Variants in KRTAP3-1 observed in about 807,000 individuals in gnomAD.
KRTAP3-1 encodes the protein keratin associated protein 3-1.
A neutral mutation model predicts 2.8 loss-of-function variants in KRTAP3-1; 3 were observed. That is an observed-to-expected ratio of 1.07 (90% CI 0.49 to 2.78). The LOEUF is 2.78. Among genes scored for constraint, KRTAP3-1 ranks in the 30% most tolerant of loss-of-function variants. KRTAP3-1 has a pLI of 0.04. For missense variants in KRTAP3-1, 130 were observed against 127.6 expected (o/e 1.02, Z -0.09); for synonymous variants, 47 against 49.1 (o/e 0.96, Z 0.18).
Position 41,008,900 on chromosome 17 carries a change from C to CAGG in KRTAP3-1, c.172_174dup (p.Pro58dup). 1.9e-6 allele frequency: 3 copies of CAGG among 1,614,202 alleles called. No homozygotes were observed. The highest frequency in any genetic ancestry group is 2.5e-6 in the Non-Finnish European group (3 of 1,180,046). On this transcript the variant is annotated inframe_insertion, in exon 1 of 1. Coordinates refer to ENST00000391588, the MANE Select transcript of KRTAP3-1 (RefSeq NM_031958.2). Reference sequence around the variant, plus strand: ...AGCCAGCAAGTTGGCACATAGGTATCAGGCTTGCAGCAGGGTGGGGGGCAG... The same window carrying CAGG: ...AGCCAGCAAGTTGGCACATAGGTATCAGGAGGCTTGCAGCAGGGTGGGGGGCAG...
At position 41,009,004 on chromosome 17, in the gene KRTAP3-1, T is replaced by G; in HGVS notation, c.71A>C (p.Lys24Thr). ...TAGGCAGACTCCACAGCGGCAGCTT[T>G]TATCAAATGAGCAGAAGGTGGTGGC... is the stretch of plus-strand genomic sequence containing the variant. ...GPATTFCSFD[K>T]SCRCGVCLPS... Residue 24 changes from lysine (K) to threonine (T), a missense_variant, in exon 1 of 1, where the codon AAA becomes ACA. Transcript: ENST00000391588. 1 of 1,614,168 alleles carries G rather than the reference T, an allele frequency of 6.2e-7. No homozygotes were observed. The highest frequency in any genetic ancestry group is 1.6e-4 in the Middle Eastern group (1 of 6,062).
Position 41,008,662 on chromosome 17 carries a change from G to T in KRTAP3-1, c.*116C>A. 2 of 956,346 alleles carry T rather than the reference G, an allele frequency of 2.1e-6. No individual in the cohort carries two copies. Among genetic ancestry groups the T allele is most frequent in the Non-Finnish European group, 3.1e-6 (2 of 654,726 alleles). The allele number at this position is 956,346 out of a possible 1,614,324, so 59.2% of individuals were successfully genotyped here. On this transcript the variant is annotated 3_prime_UTR_variant, in exon 1 of 1. Coordinates refer to ENST00000391588, the MANE Select transcript of KRTAP3-1 (RefSeq NM_031958.2). ...TAATTAAGAAGATTCATCAAGACTTGGCCCCGGGGATTGGGATGGCCTTAG... is the reference window on the plus strand; with the variant it reads ...TAATTAAGAAGATTCATCAAGACTTTGCCCCGGGGATTGGGATGGCCTTAG...
At position 41,008,666 on chromosome 17, in the gene KRTAP3-1, C is replaced by A; in HGVS notation, c.*112G>T. ...TAAGAAGATTCATCAAGACTTGGCC[C>A]CGGGGATTGGGATGGCCTTAGCCTT... On this transcript the variant is annotated 3_prime_UTR_variant, in exon 1 of 1. Transcript: ENST00000391588. The A allele has an allele frequency of 9.7e-7, 1 of 1,028,112 alleles. No homozygotes were observed. Among genetic ancestry groups the A allele is most frequent in the East Asian group, 2.6e-5 (1 of 38,194 alleles). 63.7% of individuals were successfully genotyped at this position (1,028,112 alleles called of 1,614,324 possible). A position where few individuals can be genotyped will look rare whatever the true frequency, so the allele number is the denominator to read the frequency against.
In KRTAP3-1 at chr17:41,008,667, C is replaced by T. The variant is rs111531901; in HGVS notation, c.*111G>A. The T allele has an allele frequency of 0.087, 90,902 of 1,040,854 alleles. 4,444 individuals carry two copies. The highest frequency in any genetic ancestry group is 0.22 in the Middle Eastern group (715 of 3,226). The allele number at this position is 1,040,854 out of a possible 1,614,324, so 64.5% of individuals were successfully genotyped here. The stretch of plus-strand genomic sequence containing the variant: ...AAGAAGATTCATCAAGACTTGGCCC[C>T]GGGGATTGGGATGGCCTTAGCCTTG... On this transcript the variant is annotated 3_prime_UTR_variant, in exon 1 of 1. Coordinates refer to ENST00000391588, the MANE Select transcript of KRTAP3-1 (RefSeq NM_031958.2).
chr17:41,008,592 C>A lies in KRTAP3-1; in HGVS notation c.*186G>T. 2 of 546,466 alleles carry A rather than the reference C, an allele frequency of 3.7e-6. No individual in the cohort carries two copies. The highest frequency in any genetic ancestry group is 3.2e-5 in the South Asian group (1 of 31,110). 33.9% of individuals were successfully genotyped at this position (546,466 alleles called of 1,614,324 possible). A position where few individuals can be genotyped will look rare whatever the true frequency, so the allele number is the denominator to read the frequency against. On this transcript the variant is annotated 3_prime_UTR_variant, in exon 1 of 1. Transcript: ENST00000391588. ...ATTTCTCAAAGAGTGATGAAATAGC[C>A]TAAAAGACAGAAGGGAGGTCTCCAA...
chr17:41,009,079 A>G lies in KRTAP3-1; in HGVS notation c.-5T>C. The G allele has an allele frequency of 6.2e-7, 1 of 1,611,524 alleles. No homozygotes were observed. The highest frequency in any genetic ancestry group is 8.5e-7 in the Non-Finnish European group (1 of 1,178,576). On this transcript the variant is annotated 5_prime_UTR_variant, in exon 1 of 1. Coordinates refer to ENST00000391588, the MANE Select transcript of KRTAP3-1 (RefSeq NM_031958.2). ...GCGGAGAGCACAGCAATACATGGCA[A>G]TGGGAGGTGGGTTTTTGTTGAGTTG...
chr17:41,009,085 G>A lies in KRTAP3-1; in HGVS notation c.-11C>T, dbSNP rs1451534665. The A allele has an allele frequency of 3.1e-6, 5 of 1,609,966 alleles. No individual in the cohort carries two copies. The highest frequency in any genetic ancestry group is 4.2e-6 in the Non-Finnish European group (5 of 1,177,690). On this transcript the variant is annotated 5_prime_UTR_variant, in exon 1 of 1. Coordinates refer to ENST00000391588, the MANE Select transcript of KRTAP3-1 (RefSeq NM_031958.2). ...AGCACAGCAATACATGGCAATGGGA[G>A]GTGGGTTTTTGTTGAGTTGAGAGAA...
At position 41,008,698 on chromosome 17, in the gene KRTAP3-1, G is replaced by A. The variant is rs561124203; in HGVS notation, c.*80C>T. On this transcript the variant is annotated 3_prime_UTR_variant, in exon 1 of 1. Coordinates refer to ENST00000391588, the MANE Select transcript of KRTAP3-1 (RefSeq NM_031958.2). ...TTGGGATGGCCTTAGCCTTGATGTAGGCAGTAGTGAGTGCTGAAGCCCAGA... is the reference window on the plus strand; with the variant it reads ...TTGGGATGGCCTTAGCCTTGATGTAAGCAGTAGTGAGTGCTGAAGCCCAGA... The A allele has an allele frequency of 9.6e-6, 13 of 1,354,500 alleles. No individual in the cohort carries two copies. The highest frequency in any genetic ancestry group is 4.3e-5 in the African/African-American group (3 of 69,412). The allele number at this position is 1,354,500 out of a possible 1,614,324, so 83.9% of individuals were successfully genotyped here. A position where few individuals can be genotyped will look rare whatever the true frequency, so the allele number is the denominator to read the frequency against.
Position 41,008,696 on chromosome 17 carries a change from T to C in KRTAP3-1, c.*82A>G. ...GATTGGGATGGCCTTAGCCTTGATG[T>C]AGGCAGTAGTGAGTGCTGAAGCCCA... On this transcript the variant is annotated 3_prime_UTR_variant, in exon 1 of 1. Coordinates refer to ENST00000391588, the MANE Select transcript of KRTAP3-1 (RefSeq NM_031958.2). 7.5e-7 allele frequency: 1 copy of C among 1,327,676 alleles called. No homozygotes were observed. The allele number at this position is 1,327,676 out of a possible 1,614,324, so 82.2% of individuals were successfully genotyped here. A position where few individuals can be genotyped will look rare whatever the true frequency, so the allele number is the denominator to read the frequency against.
Position 41,008,997 on chromosome 17 carries a change from G to A in KRTAP3-1, c.78C>T (p.Cys26=), listed in dbSNP as rs1180706446. ...TGCTGGGTAGGCAGACTCCACAGCG[G>A]CAGCTTTTATCAAATGAGCAGAAGG... ...ATTFCSFDKS[C]RCGVCLPSTC... The change falls in exon 1 of 1, where the codon TGC becomes TGT. Residue 26 remains cysteine (C), a synonymous_variant. Coordinates refer to ENST00000391588, the MANE Select transcript of KRTAP3-1 (RefSeq NM_031958.2). 9 of 1,614,252 alleles carry A rather than the reference G, an allele frequency of 5.6e-6. No homozygotes were observed. The highest frequency in any genetic ancestry group is 7.6e-6 in the Non-Finnish European group (9 of 1,180,050).
Position 41,008,877 on chromosome 17 carries a change from C to G in KRTAP3-1, c.198G>C (p.Trp66Cys), listed in dbSNP as rs1318982119. 6.2e-7 allele frequency: 1 copy of G among 1,614,018 alleles called. No individual in the cohort carries two copies. ...GAGTCGGGTGACAGTTGTTGAGCAG[C>G]CAGCAAGTTGGCACATAGGTATCAG... ...CKPDTYVPTC[W>C]LLNNCHPTPG... Residue 66 changes from tryptophan to cysteine, a missense_variant, in exon 1 of 1, where the codon TGG (tryptophan) becomes TGC (cysteine). By Grantham distance (215) the Trp-to-Cys change is radical (BLOSUM62 -2). Transcript: ENST00000391588.
chr17:41,008,963 GT>G lies in KRTAP3-1; in HGVS notation c.111del (p.His38MetfsTer40). 6.2e-7 allele frequency: 1 copy of G among 1,614,258 alleles called. No homozygotes were observed. The highest frequency in any genetic ancestry group is 8.5e-7 in the Non-Finnish European group (1 of 1,180,052). ...ATGGGCTGAAGGAGGCTGATCTCAT[GT>G]GGGCAGGTGCTGGGTAGGCAGACTC... ...RCGVCLPSTC[P>X]HEISLLQPIC... On this transcript the variant is annotated frameshift_variant, in exon 1 of 1. Transcript: ENST00000391588. LOFTEE classifies it high-confidence loss of function.
Position 41,008,902 on chromosome 17 carries a change from G to A in KRTAP3-1, c.173C>T (p.Pro58Leu), listed in dbSNP as rs755789157. 2 of 1,614,122 alleles carry A rather than the reference G, an allele frequency of 1.2e-6. No homozygotes were observed. The highest frequency in any genetic ancestry group is 1.7e-5 in the Admixed American group (1 of 60,010). The change falls in exon 1 of 1, where the codon CCT becomes CTT. Residue 58 changes from proline (P) to leucine (L), a missense_variant. By Grantham distance (98) the Pro-to-Leu change is moderately conservative (BLOSUM62 -3). Coordinates refer to ENST00000391588, the MANE Select transcript of KRTAP3-1 (RefSeq NM_031958.2). ...CCAGCAAGTTGGCACATAGGTATCA[G>A]GCTTGCAGCAGGGTGGGGGGCAGGT... ...CDTCPPPCCK[P>L]DTYVPTCWLL...
In KRTAP3-1 at chr17:41,009,115, G is replaced by A; in HGVS notation, c.-41C>T. The stretch of plus-strand genomic sequence containing the variant: ...GTTTTTGTTGAGTTGAGAGAAGTCT[G>A]TTGGTGTCTCGATGCTCCTCTCTTC... On this transcript the variant is annotated 5_prime_UTR_variant, in exon 1 of 1. Transcript: ENST00000391588. 1 of 1,549,692 alleles carries A rather than the reference G, an allele frequency of 6.5e-7. No homozygotes were observed.
rs751471457 is a variant in KRTAP3-1 at position 41,009,103 on chromosome 17, T to C, written c.-29A>G. 12 of 1,597,420 alleles carry C rather than the reference T, an allele frequency of 7.5e-6. No individual in the cohort carries two copies. The African/African-American group carries it at 1.2e-4, about 16-fold the overall frequency. ...AATGGGAGGTGGGTTTTTGTTGAGT[T>C]GAGAGAAGTCTGTTGGTGTCTCGAT... On this transcript the variant is annotated 5_prime_UTR_variant, in exon 1 of 1. Transcript: ENST00000391588.
At position 41,009,060 on chromosome 17, in the gene KRTAP3-1, A is replaced by G; in HGVS notation, c.15T>C (p.Ala5=). Residue 5 remains alanine, a synonymous_variant, in exon 1 of 1, where the codon GCT becomes GCC. Coordinates refer to ENST00000391588, the MANE Select transcript of KRTAP3-1 (RefSeq NM_031958.2). ...CGGTGGGGACGCTGCAGGAGCGGAG[A>G]GCACAGCAATACATGGCAATGGGAG... MYCC[A]LRSCSVPTGP... 1.9e-6 allele frequency: 3 copies of G among 1,613,820 alleles called. No individual in the cohort carries two copies. Among genetic ancestry groups the G allele is most frequent in the Non-Finnish European group, 2.5e-6 (3 of 1,179,872 alleles).
chr17:41,008,964 T>G lies in KRTAP3-1; in HGVS notation c.111A>C (p.Pro37=). The change falls in exon 1 of 1, where the codon CCA becomes CCC. Residue 37 remains proline, a synonymous_variant. Coordinates refer to ENST00000391588, the MANE Select transcript of KRTAP3-1 (RefSeq NM_031958.2). The part of the protein sequence containing the change: ...RCGVCLPSTC[P]HEISLLQPIC... ...TGGGCTGAAGGAGGCTGATCTCATG[T>G]GGGCAGGTGCTGGGTAGGCAGACTC... The G allele has an allele frequency of 6.2e-7, 1 of 1,614,208 alleles. No homozygotes were observed. The highest frequency in any genetic ancestry group is 2.2e-5 in the East Asian group (1 of 44,884).
chr17:41,008,733 G>A lies in KRTAP3-1; in HGVS notation c.*45C>T. On this transcript the variant is annotated 3_prime_UTR_variant, in exon 1 of 1. Coordinates refer to ENST00000391588, the MANE Select transcript of KRTAP3-1 (RefSeq NM_031958.2). ...AGTGCTGAAGCCCAGATGGTGCAGA[G>A]GACATTGGGCAGCCACCTCACGGAA... The A allele has an allele frequency of 1.3e-6, 2 of 1,546,554 alleles. No homozygotes were observed. The highest frequency in any genetic ancestry group is 1.3e-5 in the African/African-American group (1 of 74,206).
Position 41,008,920 on chromosome 17 carries a change from G to C in KRTAP3-1, c.155C>G (p.Pro52Arg). The C allele has an allele frequency of 6.2e-7, 1 of 1,614,206 alleles. No homozygotes were observed. Among genetic ancestry groups the C allele is most frequent in the Non-Finnish European group, 8.5e-7 (1 of 1,180,036 alleles). Residue 52 changes from proline to arginine, a missense_variant, in exon 1 of 1, where the codon CCC becomes CGC. By Grantham distance (103) the Pro-to-Arg change is moderately radical. Transcript: ENST00000391588. ...LLQPICCDTC[P>R]PPCCKPDTYV... ...GGTATCAGGCTTGCAGCAGGGTGGG[G>C]GGCAGGTGTCACAGCAGATGGGCTG...
Sources: gnomAD v4.1 joint callset for allele counts on GRCh38, gnomAD v4.1.1 for gene constraint, MANE v1.5 for transcripts, NCBI Gene and HGNC (gene_info 2026-07-23, HGNC 2026-07-21) for gene names.